Variants in LRRC28 observed in about 807,000 individuals in gnomAD.
The protein encoded by LRRC28 is leucine rich repeat containing 28, also known as leucine-rich repeat-containing protein 28.
A neutral mutation model predicts 45.7 loss-of-function variants in LRRC28; 39 were observed. That is an observed-to-expected ratio of 0.85 (90% CI 0.66 to 1.12). LRRC28 has a LOEUF of 1.12. Among genes scored for constraint, LRRC28 ranks in the 50% most tolerant of loss-of-function variants. The pLI is 0.00. For synonymous variants in LRRC28, 206 were observed against 178.8 expected (o/e 1.15, Z -1.22); for missense variants, 435 against 438.5 (o/e 0.99, Z 0.07).
At chr15:99,274,312 A>G (rs1232136978) in intron 2 of LRRC28, among the ~76,000 whole-genome samples, 1 of 152,220 alleles carries the variant, frequency 6.6e-6, no homozygotes, top group Non-Finnish European at 1.5e-5. Flanking sequence ...CCAGTATGAC[A>G]TTAATAATGA....
rs1322598079 is a variant in LRRC28 at position 99,387,181 on chromosome 15, C to T, written c.*1079C>T. ...GTTCACGCCATTCTCCTGCCTCAGC[C>T]TCCCAAGTAGCTGGGACCACAGGCG... On this transcript the variant is annotated 3_prime_UTR_variant, in exon 10 of 10. Coordinates refer to ENST00000301981, the MANE Select transcript of LRRC28 (RefSeq NM_144598.5). The T allele has an allele frequency of 4.1e-5, 6 of 146,534 alleles. No individual in the cohort carries two copies. Among genetic ancestry groups the T allele is most frequent in the East Asian group, 2.0e-4 (1 of 4,920 alleles). The allele number at this position is 146,534 out of a possible 1,614,324, so 9.1% of individuals were successfully genotyped here.
intron 2 of LRRC28, chr15:99,258,072 G>T: frequency 2.0e-6 from 3 of 1,492,978 alleles, no homozygotes; most frequent in Non-Finnish European, 2.8e-6. Flanking sequence ...ACAGACACTG[G>T]TGTAGGAATG....
intron 5 of LRRC28, among the ~76,000 whole-genome samples, chr15:99,288,345 C>A (rs1251807841): frequency 1.3e-5 from 2 of 148,200 alleles, no homozygotes; most frequent in Non-Finnish European, 3.0e-5. Context: ...CTCTTACTCT[C>A]TAGTGAGGTA....
intron 3 of LRRC28, among the ~76,000 whole-genome samples, chr15:99,282,914 A>G (rs907566055): frequency 6.6e-6 from 1 of 151,392 alleles, no homozygotes; most frequent in East Asian, 1.9e-4. Context: ...TTTTTTTGAG[A>G]TGGAATTTCG....
chr15:99,275,780 C>T (rs1205227506), intron 2 of LRRC28, among the ~76,000 whole-genome samples: 2 of 152,176 alleles, frequency 1.3e-5, no homozygotes, highest in African/African-American at 4.8e-5. Context: ...TTCCCTCTCT[C>T]TGTGTCTGTG....
chr15:99,310,964 G>C (rs112959665), intron 5 of LRRC28, among the ~76,000 whole-genome samples: 1,811 of 152,188 alleles, frequency 0.012, 22 homozygotes, highest in Non-Finnish European at 0.02. Context: ...ACACCACAAA[G>C]CAGAGAATAA....
intron 2 of LRRC28, 107 bp downstream of exon 2, chr15:99,256,232 G>T (rs2081017672): frequency 1.3e-6 from 1 of 799,022 alleles, no homozygotes. Context: ...ATCCCCTGTT[G>T]TTATATATAC....
intron 2 of LRRC28, among the ~76,000 whole-genome samples, chr15:99,266,546 G>A (rs1050542329): frequency 1.3e-5 from 2 of 152,094 alleles, no homozygotes; most frequent in Admixed American, 6.6e-5. Context: ...AGAAGATACT[G>A]TCACATACTC....
At position 99,276,158 on chromosome 15, in the gene LRRC28, C is replaced by G. The variant is rs548782211; in HGVS notation, c.169-418C>G. ...ATGGGACCATCTAGTTGCAGGAAAA[C>G]AAGCTCAGGGTTCCCACTGATTCTT... On this transcript the variant is annotated intron_variant, in intron 2 of 9. Coordinates refer to ENST00000301981, the MANE Select transcript of LRRC28 (RefSeq NM_144598.5). Among the ~76,000 whole-genome samples, 3 of 152,092 alleles carry G rather than the reference C, an allele frequency of 2.0e-5. No homozygotes were observed. The East Asian group carries it at 5.8e-4, about 29-fold the overall frequency.
chr15:99,353,845 GA>G (rs1213460619), intron 7 of LRRC28: 1 of 152,180 alleles, frequency 6.6e-6, no homozygotes, highest in East Asian at 1.9e-4. Context: ...TTTAGATATA[GA>G]TGTTATTGAC....
rs112895302 is a variant in LRRC28 at position 99,309,430 on chromosome 15, A to G, written c.385+21479A>G. On this transcript the variant is annotated intron_variant, in intron 5 of 9. Coordinates refer to ENST00000301981, the MANE Select transcript of LRRC28 (RefSeq NM_144598.5). ...GATGTCTTTTTTTTCTTTTTTTGAGATGGAGTCTCGCTCTGTCGCCAAGGC... is the reference window on the plus strand; with the variant it reads ...GATGTCTTTTTTTTCTTTTTTTGAGGTGGAGTCTCGCTCTGTCGCCAAGGC... 1.2e-4 allele frequency among the ~76,000 whole-genome samples: 18 copies of G among 152,060 alleles called. 3 individuals carry two copies. The highest frequency in any genetic ancestry group is 4.1e-4 in the African/African-American group (17 of 41,484).
At chr15:99,287,339 A>G in intron 4 of LRRC28, 45 bp downstream of exon 4, 2 of 1,394,626 alleles carry the variant, frequency 1.4e-6, no homozygotes, top group Non-Finnish European at 1.9e-6. Flanking sequence ...ATATAATTTA[A>G]GCTTTGCTTT....
intron 5 of LRRC28, chr15:99,320,548 A>C (rs958455406): frequency 1.3e-5 from 2 of 152,182 alleles, no homozygotes; most frequent in African/African-American, 4.8e-5. Context: ...TGCCTTTGAA[A>C]CATGTTATGC....
intron 5 of LRRC28, among the ~76,000 whole-genome samples, chr15:99,333,304 A>C (rs562033664): frequency 6.6e-6 from 1 of 152,320 alleles, no homozygotes; most frequent in Admixed American, 6.5e-5. Context: ...AATTAAAGTA[A>C]GTCTTTATAG....
chr15:99,286,896 AT>A (rs2081972521), intron 3 of LRRC28: 1 of 169,934 alleles, frequency 5.9e-6, no homozygotes, highest in African/African-American at 2.4e-5. Flanking sequence ...ATAGGTGTTG[AT>A]TTTTCTTCAC....
chr15:99,261,694 G>A (rs2081202898), intron 2 of LRRC28, among the ~76,000 whole-genome samples: 1 of 150,716 alleles, frequency 6.6e-6, no homozygotes, highest in East Asian at 1.9e-4. Flanking sequence ...TTTCACTCTT[G>A]TTGCCCAGGC....
At chr15:99,278,383 G>A (rs2081679414) in intron 3 of LRRC28, among the ~76,000 whole-genome samples, 1 of 152,206 alleles carries the variant, frequency 6.6e-6, no homozygotes, top group Non-Finnish European at 1.5e-5. Context: ...TAGTAGCTGG[G>A]ATTACAGGCA....
At chr15:99,346,938 C>T (rs916833244) in intron 6 of LRRC28, among the ~76,000 whole-genome samples, 22 of 152,022 alleles carry the variant, frequency 1.4e-4, no homozygotes, top group Admixed American at 4.6e-4. Context: ...GTTTATAACA[C>T]GATATTATGG....
At position 99,388,088 on chromosome 15, in the gene LRRC28, A is replaced by G. The variant is rs1333271687; in HGVS notation, c.*1986A>G. 5 of 152,272 alleles carry G rather than the reference A, an allele frequency of 3.3e-5. No homozygotes were observed. The highest frequency in any genetic ancestry group is 4.4e-5 in the Non-Finnish European group (3 of 68,044). 9.4% of individuals were successfully genotyped at this position (152,272 alleles called of 1,614,324 possible). Reference sequence around the variant, plus strand: ...AAATAGGAACTGAAGATCTGTATCAAAATGTAACACTTTCATCCTTTGGAA... The same window carrying G: ...AAATAGGAACTGAAGATCTGTATCAGAATGTAACACTTTCATCCTTTGGAA... On this transcript the variant is annotated 3_prime_UTR_variant, in exon 10 of 10. Coordinates refer to ENST00000301981, the MANE Select transcript of LRRC28 (RefSeq NM_144598.5).
Sources: gnomAD v4.1 joint callset for allele counts (sites outside exome capture counted in the v4.1 genomes callset) on GRCh38, gnomAD v4.1.1 for gene constraint, MANE v1.5 for transcripts, NCBI Gene and HGNC (gene_info 2026-07-23, HGNC 2026-07-21) for gene names.